Variants in DAB1 observed in about 807,000 individuals in gnomAD.
DAB1 encodes disabled homolog 1.
In DAB1, 15 loss-of-function variants were observed where a neutral mutation model predicts 64.6. The observed-to-expected ratio is 0.23, with a 90% CI of 0.16 to 0.36. DAB1 has a LOEUF of 0.36. DAB1 is among the 10% of genes least tolerant of loss of function. DAB1 has a pLI of 1.00. For synonymous variants in DAB1, 235 were observed against 251.9 expected, an observed-to-expected ratio of 0.93 and a Z score of 0.64; for missense variants, 596 against 706.7, an observed-to-expected ratio of 0.84 and a Z score of 1.78.
intron 2 of DAB1, among the ~76,000 whole-genome samples, chr1:57,267,586 C>T (rs944352563): frequency 2.0e-5 from 3 of 152,270 alleles, no homozygotes; most frequent in Non-Finnish European, 2.9e-5. Flanking sequence ...CTTCGCAGCC[C>T]GAGTACCTGA....
chr1:57,064,381 T>C (rs1650699902), intron 8 of DAB1, among the ~76,000 whole-genome samples: 2 of 152,166 alleles, frequency 1.3e-5, no homozygotes, highest in African/African-American at 4.8e-5. Context: ...TTATTAATAA[T>C]GTGAGCTAAC....
upstream of DAB1, among the ~76,000 whole-genome samples, chr1:57,884,385 C>A (rs570679685): frequency 1.4e-4 from 22 of 152,242 alleles, no homozygotes; most frequent in Non-Finnish European, 2.5e-4. Flanking sequence ...CTGTGCCTAG[C>A]ACTGTGCTAG....
At chr1:57,948,693 C>A (rs1418413466) in intron 5 of DAB1, among the ~76,000 whole-genome samples, 2 of 152,244 alleles carry the variant, frequency 1.3e-5, no homozygotes, top group Non-Finnish European at 2.9e-5. Context: ...AGTTCTGAAT[C>A]TTCCTCTTGA....
chr1:58,385,823 A>G (rs1052246805), intron 3 of DAB1, among the ~76,000 whole-genome samples: 3 of 152,188 alleles, frequency 2.0e-5, no homozygotes, highest in African/African-American at 4.8e-5. Context: ...AGATCAAGGT[A>G]CCAACATTAT....
chr1:58,373,689 T>C (rs905730801), intron 3 of DAB1, among the ~76,000 whole-genome samples: 2 of 152,164 alleles, frequency 1.3e-5, no homozygotes, highest in African/African-American at 4.8e-5. Context: ...TTTGGGTATA[T>C]ACCCAGTAAT....
chr1:57,482,995 T>C (rs559596570), intron 7 of DAB1, among the ~76,000 whole-genome samples: 1 of 152,192 alleles, frequency 6.6e-6, no homozygotes, highest in Non-Finnish European at 1.5e-5. Context: ...TTTGAACACA[T>C]ATTACATGAA....
At chr1:58,059,711 C>T (rs994328489) in intron 5 of DAB1, among the ~76,000 whole-genome samples, 26 of 152,252 alleles carry the variant, frequency 1.7e-4, no homozygotes, top group African/African-American at 6.0e-4. Flanking sequence ...AAATCCACCA[C>T]ATGGAGTGCT....
At chr1:58,449,403 G>A (rs1026540042) in intron 3 of DAB1, among the ~76,000 whole-genome samples, 3 of 152,120 alleles carry the variant, frequency 2.0e-5, no homozygotes, top group African/African-American at 7.2e-5. Context: ...ACTGGCCAGG[G>A]TCCTTGAAAC....
chr1:58,053,849 A>T (rs1226212240), intron 5 of DAB1, among the ~76,000 whole-genome samples: 1 of 152,226 alleles, frequency 6.6e-6, no homozygotes, highest in Non-Finnish European at 1.5e-5. Flanking sequence ...CTGTACTACC[A>T]TACAAAAGTT....
At chr1:57,292,036 A>G (rs1375268216) in intron 1 of DAB1, among the ~76,000 whole-genome samples, 1 of 152,204 alleles carries the variant, frequency 6.6e-6, no homozygotes, top group Non-Finnish European at 1.5e-5. Flanking sequence ...TATATCTGAG[A>G]GTTCTATTAA....
intron 1 of DAB1, among the ~76,000 whole-genome samples, chr1:57,392,083 G>A (rs1364289082): frequency 6.6e-6 from 1 of 152,074 alleles, no homozygotes; most frequent in Non-Finnish European, 1.5e-5. Context: ...ATGTAACAAA[G>A]CATGTAATGG....
chr1:57,977,913 G>A (rs543503098), intron 5 of DAB1, among the ~76,000 whole-genome samples: 128 of 152,164 alleles, frequency 8.4e-4, no homozygotes, highest in Non-Finnish European at 1.6e-3. Flanking sequence ...CGAAATAAGA[G>A]AGGACACAAA....
chr1:58,111,063 T>C (rs1360760552), intron 5 of DAB1, among the ~76,000 whole-genome samples: 2 of 152,226 alleles, frequency 1.3e-5, no homozygotes, highest in African/African-American at 4.8e-5. Flanking sequence ...GAATGCTTTC[T>C]TTGTGCAGTG....
exon 4 of DAB1, chr1:58,343,357 T>C (rs1399124128): frequency 2.0e-5 from 3 of 151,982 alleles, no homozygotes; most frequent in African/African-American, 7.3e-5. Flanking sequence ...CTTACACTTT[T>C]GAAATGGAGC....
At chr1:57,232,305 T>TTTTTG (rs1491306920) in intron 2 of DAB1, among the ~76,000 whole-genome samples, 9 of 146,486 alleles carry the variant, frequency 6.1e-5, no homozygotes, top group African/African-American at 2.1e-4. Flanking sequence ...TTTTTTTTTT[T>TTTTTG]GCACGAACCT....
chr1:57,895,612 T>A (rs1399491542), intron 5 of DAB1, among the ~76,000 whole-genome samples: 2 of 152,136 alleles, frequency 1.3e-5, no homozygotes, highest in Non-Finnish European at 2.9e-5. Context: ...TAAGAAGTAA[T>A]TACTCATTGA....
intron 7 of DAB1, among the ~76,000 whole-genome samples, chr1:57,639,342 T>G (rs1412424607): frequency 6.8e-6 from 1 of 146,494 alleles, no homozygotes. Flanking sequence ...CTTTAGTAAA[T>G]AACTTTATAA....
intron 7 of DAB1, among the ~76,000 whole-genome samples, chr1:57,539,498 A>G (rs1644775394): frequency 6.6e-6 from 1 of 152,178 alleles, no homozygotes; most frequent in African/African-American, 2.4e-5. Flanking sequence ...ACTGACAAGG[A>G]AGTGAGAAAG....
At chr1:58,379,105 G>T (rs1235012505) in intron 3 of DAB1, among the ~76,000 whole-genome samples, 4 of 151,750 alleles carry the variant, frequency 2.6e-5, no homozygotes, top group Non-Finnish European at 1.5e-5. Flanking sequence ...GATGAACCCG[G>T]TACCTCAGAT....
Sources: allele counts gnomAD v4.1 joint callset (sites outside exome capture counted in the v4.1 genomes callset), GRCh38; gene constraint gnomAD v4.1.1; transcripts MANE v1.5; gene names NCBI Gene and HGNC (gene_info 2026-07-23, HGNC 2026-07-21).